Variants in CSMD2 observed in about 807,000 individuals in gnomAD.
CSMD2 encodes CUB and sushi domain-containing protein 2.
CSMD2 carries 130 observed loss-of-function variants against 398.5 expected under a neutral mutation model. The ratio of observed to expected loss-of-function variants is 0.33; its 90% CI spans 0.28 to 0.38. The LOEUF is 0.38. CSMD2 is among the 10% of genes least tolerant of loss of function. CSMD2 has a pLI of 1.00. For missense variants in CSMD2, 3,829 were observed against 4,764.9 expected (o/e 0.80, Z 5.78); for synonymous variants, 1,828 against 1,908.5 (o/e 0.96, Z 1.10).
chr1:33,652,663 C>A (rs942292180), intron 27 of CSMD2, among the ~76,000 whole-genome samples: 1 of 152,132 alleles, frequency 6.6e-6, no homozygotes, highest in African/African-American at 2.4e-5. Flanking sequence ...GTGGTGGTTG[C>A]GCAACATTTC....
chr1:34,091,080 C>A (rs1461246610), intron 1 of CSMD2, among the ~76,000 whole-genome samples: 1 of 152,154 alleles, frequency 6.6e-6, no homozygotes, highest in Non-Finnish European at 1.5e-5. Context: ...CCCACTACTA[C>A]ACAGTGTCAT....
At chr1:33,682,230 T>G (rs1644930700) in intron 25 of CSMD2, among the ~76,000 whole-genome samples, 1 of 152,218 alleles carries the variant, frequency 6.6e-6, no homozygotes, top group Middle Eastern at 3.2e-3. Context: ...TCCCTCTGTC[T>G]TCTTCTTACA....
At chr1:33,675,510 G>A (rs1246102208) in intron 25 of CSMD2, among the ~76,000 whole-genome samples, 3 of 152,188 alleles carry the variant, frequency 2.0e-5, no homozygotes, top group African/African-American at 7.2e-5. Context: ...TGGATTCACA[G>A]CCGAATTCTA....
chr1:33,795,087 G>A (rs1654793633), intron 10 of CSMD2, among the ~76,000 whole-genome samples: 1 of 151,738 alleles, frequency 6.6e-6, no homozygotes, highest in Non-Finnish European at 1.5e-5. Flanking sequence ...CCTGTAGCAA[G>A]GTCAAGGTGA....
At chr1:34,057,295 C>T (rs1437200643) in intron 2 of CSMD2, among the ~76,000 whole-genome samples, 2 of 152,202 alleles carry the variant, frequency 1.3e-5, no homozygotes, top group Non-Finnish European at 2.9e-5. Flanking sequence ...AAAACTAATT[C>T]AGGTGCCCAC....
intron 15 of CSMD2, among the ~76,000 whole-genome samples, chr1:33,729,222 G>A (rs538646049): frequency 3.0e-4 from 46 of 152,216 alleles, no homozygotes; most frequent in African/African-American, 1.0e-3. Context: ...ACATATCAAC[G>A]AAACCCCATC....
At chr1:34,081,010 C>T (rs1247785365) in intron 2 of CSMD2, among the ~76,000 whole-genome samples, 1 of 150,388 alleles carries the variant, frequency 6.6e-6, no homozygotes, top group Non-Finnish European at 1.5e-5. Context: ...AGGGATGTGA[C>T]CCAGACACCA....
intron 12 of CSMD2, among the ~76,000 whole-genome samples, chr1:33,777,084 G>T (rs774036435): frequency 6.6e-6 from 1 of 152,122 alleles, no homozygotes; most frequent in Non-Finnish European, 1.5e-5. Flanking sequence ...AAAGGGGAAG[G>T]GGTTTACACG....
rs1346313699 is a variant in CSMD2, at chr1:33,958,806, G to A, written c.518-22852C>T. On this transcript the variant is annotated intron_variant, in intron 3 of 70. Coordinates refer to ENST00000373381, the MANE Select transcript of CSMD2 (RefSeq NM_001281956.2). ...AGAGAACTTAGTTCAGCCATGCCTGGACTTCTGACCCATGGAAACTGTGCG... is the reference window on the plus strand; with the variant it reads ...AGAGAACTTAGTTCAGCCATGCCTGAACTTCTGACCCATGGAAACTGTGCG... 5.3e-5 allele frequency among the ~76,000 whole-genome samples: 8 copies of A among 152,290 alleles called. No homozygotes were observed. The South Asian group carries it at 1.5e-3, about 28-fold the overall frequency.
In CSMD2 at chr1:33,783,431, T is replaced by TTCTCTCTCTCTCTCTCTC. The variant is rs55769634; in HGVS notation, c.1663+5151_1663+5168dup. ...AAACAACACCATGCTCATTCTCTCA[T>TTCTCTCTCTCTCTCTCTC]TCTCTCTCTCTCTCTCTCTCTCTCT... On this transcript the variant is annotated intron_variant, in intron 12 of 70. Coordinates refer to ENST00000373381, the MANE Select transcript of CSMD2 (RefSeq NM_001281956.2). Among the ~76,000 whole-genome samples the TTCTCTCTCTCTCTCTCTC allele has an allele frequency of 7.8e-4, 106 of 135,240 alleles. 2 individuals carry two copies. The highest frequency in any genetic ancestry group is 3.0e-3 in the African/African-American group (104 of 34,402). The allele number at this position is 135,240 out of a possible 152,430, so 88.7% of individuals were successfully genotyped here.
intron 24 of CSMD2, among the ~76,000 whole-genome samples, chr1:33,696,728 G>A (rs1645431996): frequency 6.6e-6 from 1 of 152,008 alleles, no homozygotes; most frequent in Non-Finnish European, 1.5e-5. Flanking sequence ...TACCTTACCT[G>A]GGGCCTGGCA....
At chr1:33,528,258 CTG>C (rs960343994) in intron 64 of CSMD2, among the ~76,000 whole-genome samples, 12 of 152,258 alleles carry the variant, frequency 7.9e-5, no homozygotes, top group African/African-American at 2.9e-4. Context: ...CTGGAAAAAA[CTG>C]AAACATACCT....
At chr1:33,663,745 C>A (rs1265002745) in intron 25 of CSMD2, among the ~76,000 whole-genome samples, 2 of 152,192 alleles carry the variant, frequency 1.3e-5, no homozygotes, top group Non-Finnish European at 2.9e-5. Context: ...CAAGTAGTAA[C>A]CTGAATTTTT....
At chr1:33,816,478 C>T (rs1482337242) in intron 9 of CSMD2, among the ~76,000 whole-genome samples, 1 of 152,126 alleles carries the variant, frequency 6.6e-6, no homozygotes, top group East Asian at 1.9e-4. Flanking sequence ...AATCCCCTGA[C>T]CCAACTTTAA....
At chr1:34,056,976 C>A (rs1653902657) in intron 2 of CSMD2, among the ~76,000 whole-genome samples, 1 of 152,164 alleles carries the variant, frequency 6.6e-6, no homozygotes, top group Admixed American at 6.5e-5. Flanking sequence ...GAAGAAGAGG[C>A]TGGGGTATCA....
intron 12 of CSMD2, among the ~76,000 whole-genome samples, chr1:33,774,932 C>G (rs1176363623): frequency 6.6e-6 from 1 of 152,182 alleles, no homozygotes; most frequent in African/African-American, 2.4e-5. Flanking sequence ...GTGCTAGACC[C>G]TTGACATCTG....
chr1:33,762,848 T>C (rs1169397208), intron 13 of CSMD2, among the ~76,000 whole-genome samples: 1 of 152,226 alleles, frequency 6.6e-6, no homozygotes, highest in East Asian at 1.9e-4. Flanking sequence ...ACTTGCCCGG[T>C]GCTGAGTGTA....
At chr1:33,704,672 A>T (rs2149133221) in intron 22 of CSMD2, among the ~76,000 whole-genome samples, 1 of 152,374 alleles carries the variant, frequency 6.6e-6, no homozygotes, top group South Asian at 2.1e-4. Flanking sequence ...TAGCAATTTC[A>T]TATGGTTTGT....
chr1:33,816,981 C>G (rs1657535274), intron 9 of CSMD2, among the ~76,000 whole-genome samples: 1 of 152,088 alleles, frequency 6.6e-6, no homozygotes, highest in Non-Finnish European at 1.5e-5. Context: ...AGAATGTGAT[C>G]TTTTGGTAAC....
Sources: allele counts gnomAD v4.1 joint callset (sites outside exome capture counted in the v4.1 genomes callset), GRCh38; gene constraint gnomAD v4.1.1; transcripts MANE v1.5; gene names NCBI Gene and HGNC (gene_info 2026-07-23, HGNC 2026-07-21).